The following PTPRG variants were observed in gnomAD, a reference collection of about 807,000 sequenced individuals.
PTPRG encodes the protein receptor-type tyrosine-protein phosphatase gamma.
In PTPRG, 102 loss-of-function variants were observed where a neutral mutation model predicts 165.3. That is an observed-to-expected ratio of 0.62 (90% CI 0.53 to 0.73). The LOEUF is 0.73. PTPRG is among the 30% of genes least tolerant of loss of function. PTPRG has a pLI of 0.00. For missense variants in PTPRG, 1,866 were observed against 1,861.4 expected, an observed-to-expected ratio of 1.00 and a Z score of -0.05; for synonymous variants, 675 against 669.5, an observed-to-expected ratio of 1.01 and a Z score of -0.13.
intron 8 of PTPRG, among the ~76,000 whole-genome samples, chr3:62,188,543 T>A (rs1699721584): frequency 6.6e-6 from 1 of 152,254 alleles, no homozygotes; most frequent in Admixed American, 6.5e-5. Flanking sequence ...ATTTTTTCTT[T>A]TAACTTTCTT....
At chr3:61,933,952 TC>T (rs1479373002) in intron 2 of PTPRG, among the ~76,000 whole-genome samples, 5 of 152,238 alleles carry the variant, frequency 3.3e-5, no homozygotes, top group African/African-American at 1.2e-4. Flanking sequence ...AAATTTCCTC[TC>T]TGCAAGTGAG....
At chr3:61,983,981 T>G (rs892011319) in intron 2 of PTPRG, among the ~76,000 whole-genome samples, 1 of 152,184 alleles carries the variant, frequency 6.6e-6, no homozygotes, top group African/African-American at 2.4e-5. Context: ...AACTCTGCCT[T>G]AAAGAAACTG....
intron 3 of PTPRG, among the ~76,000 whole-genome samples, chr3:61,997,470 C>T (rs1473704019): frequency 1.3e-5 from 2 of 152,128 alleles, no homozygotes; most frequent in Admixed American, 6.5e-5. Context: ...TTCTCTTACT[C>T]GTTACCACTA....
chr3:62,105,325 T>A (rs1309641920), intron 5 of PTPRG, among the ~76,000 whole-genome samples: 1 of 152,194 alleles, frequency 6.6e-6, no homozygotes, highest in African/African-American at 2.4e-5. Context: ...CTGAGTTAAT[T>A]ACTGCCATAG....
intron 28 of PTPRG, among the ~76,000 whole-genome samples, chr3:62,289,309 G>C (rs1171521984): frequency 6.6e-6 from 1 of 152,204 alleles, no homozygotes; most frequent in East Asian, 1.9e-4. Flanking sequence ...ACACACGTTA[G>C]TGATCACTAA....
intron 6 of PTPRG, among the ~76,000 whole-genome samples, chr3:62,143,027 C>T (rs1001700387): frequency 6.6e-6 from 1 of 152,220 alleles, no homozygotes; most frequent in African/African-American, 2.4e-5. Context: ...TAACCAAGGT[C>T]TTCCTGACTT....
At chr3:61,923,673 T>C (rs1357449250) in intron 2 of PTPRG, among the ~76,000 whole-genome samples, 1 of 145,730 alleles carries the variant, frequency 6.9e-6, no homozygotes, top group Non-Finnish European at 1.5e-5. Context: ...AGCACCACCA[T>C]GTCCAGTTTA....
chr3:61,815,309 C>G (rs1468741555), intron 2 of PTPRG, among the ~76,000 whole-genome samples: 4 of 151,396 alleles, frequency 2.6e-5, no homozygotes, highest in African/African-American at 9.7e-5. Context: ...ACGTGGGAGG[C>G]TGAGGAGGGA....
chr3:61,709,136 T>C (rs77206082), intron 1 of PTPRG, among the ~76,000 whole-genome samples: 3,424 of 152,286 alleles, frequency 0.022, 68 homozygotes, highest in Middle Eastern at 0.034. Flanking sequence ...TATTGTTGTC[T>C]CCATTTTGCA....
intron 2 of PTPRG, among the ~76,000 whole-genome samples, chr3:61,914,293 T>G (rs1157406016): frequency 1.3e-5 from 2 of 152,196 alleles, no homozygotes; most frequent in East Asian, 3.9e-4. Context: ...AGGTATAAAG[T>G]TGATTAATAG....
At chr3:61,941,216 G>A (rs80251357) in intron 2 of PTPRG, among the ~76,000 whole-genome samples, 260 of 152,332 alleles carry the variant, frequency 1.7e-3, no homozygotes, top group African/African-American at 5.7e-3. Flanking sequence ...TCCTGCAGTC[G>A]TCCAACATGC....
At chr3:61,683,879 C>T (rs544224900) in intron 1 of PTPRG, among the ~76,000 whole-genome samples, 2 of 152,272 alleles carry the variant, frequency 1.3e-5, no homozygotes, top group South Asian at 4.2e-4. Flanking sequence ...TAATAATAGC[C>T]TGTATGCACA....
chr3:61,947,431 TA>T (rs1319306698), intron 2 of PTPRG, among the ~76,000 whole-genome samples: 2 of 152,190 alleles, frequency 1.3e-5, no homozygotes, highest in Non-Finnish European at 2.9e-5. Flanking sequence ...ATGGGAATGA[TA>T]AATTGAGATA....
intron 1 of PTPRG, chr3:61,742,639 A>T: frequency 1.2e-6 from 2 of 1,604,834 alleles, no homozygotes; most frequent in Non-Finnish European, 1.7e-6. Context: ...CTTCATTTGG[A>T]ACTTGATTGT....
At chr3:62,056,219 G>A (rs1559770585) in intron 4 of PTPRG, among the ~76,000 whole-genome samples, 1 of 152,214 alleles carries the variant, frequency 6.6e-6, no homozygotes, top group Non-Finnish European at 1.5e-5. Flanking sequence ...TGTTAGTCCA[G>A]TTGTCATGGA....
At chr3:62,099,793 C>CTTTT (rs759385441) in intron 5 of PTPRG, among the ~76,000 whole-genome samples, 6,560 of 90,722 alleles carry the variant, frequency 0.072, 331 homozygotes, top group Non-Finnish European at 0.091. Context: ...AGTGTTAAAT[C>CTTTT]TTTTTTTTTT....
At chr3:61,800,340 A>G (rs1228878543) in intron 2 of PTPRG, among the ~76,000 whole-genome samples, 1 of 152,138 alleles carries the variant, frequency 6.6e-6, no homozygotes, top group Non-Finnish European at 1.5e-5. Flanking sequence ...AACACAAAAA[A>G]AATTCTTTGG....
At chr3:61,875,136 C>T (rs559207775) in intron 2 of PTPRG, among the ~76,000 whole-genome samples, 2 of 152,226 alleles carry the variant, frequency 1.3e-5, no homozygotes, top group East Asian at 3.9e-4. Context: ...GCTTTTGATC[C>T]CTCTTCTCAG....
At position 61,562,339 on chromosome 3, in the gene PTPRG, A is replaced by C. The variant is rs868456918; in HGVS notation, c.52A>C (p.Ser18Arg). 1 of 1,613,702 alleles carries C rather than the reference A, an allele frequency of 6.2e-7. No individual in the cohort carries two copies. Among genetic ancestry groups the C allele is most frequent in the Non-Finnish European group, 8.5e-7 (1 of 1,179,700 alleles). The change falls in exon 1 of 30, where the codon AGT becomes CGT. Residue 18 changes from serine (S) to arginine (R), a missense_variant. Transcript: ENST00000474889. ...GTGGATTTTGTTCCTGAAAATCACCAGTTCCGTGCTCCATTATGTCGTGTG... is the reference window on the plus strand; with the variant it reads ...GTGGATTTTGTTCCTGAAAATCACCCGTTCCGTGCTCCATTATGTCGTGTG... ...CWWILFLKITSSVLHYVVCFP... is the reference protein window; with the variant it reads ...CWWILFLKITRSVLHYVVCFP...
Sources: allele counts gnomAD v4.1 joint callset (sites outside exome capture counted in the v4.1 genomes callset), GRCh38; gene constraint gnomAD v4.1.1; transcripts MANE v1.5; gene names NCBI Gene and HGNC (gene_info 2026-07-23, HGNC 2026-07-21).